CDC20B: variants seen among roughly 807,000 people sequenced by gnomAD.
CDC20B encodes the protein cell division cycle protein 20 homolog B.
A neutral mutation model predicts 64.1 loss-of-function variants in CDC20B; 58 were observed. The ratio of observed to expected loss-of-function variants is 0.90; its 90% CI spans 0.73 to 1.13. CDC20B has a LOEUF of 1.13. Among genes scored for constraint, CDC20B ranks in the 50% most tolerant of loss-of-function variants. The pLI is 0.00. For missense variants in CDC20B, 597 were observed against 633.0 expected (o/e 0.94, Z 0.61); for synonymous variants, 243 against 230.6 (o/e 1.05, Z -0.49).
At chr5:55,124,721 T>G in intron 9 of CDC20B, 82 bp downstream of exon 9, 1 of 1,162,034 alleles carries the variant, frequency 8.6e-7, no homozygotes, top group Non-Finnish European at 1.2e-6. Context: ...AAATATTGGC[T>G]TAATGATTTT....
chr5:55,153,639 T>A (rs1183476653), intron 2 of CDC20B, among the ~76,000 whole-genome samples: 1 of 152,206 alleles, frequency 6.6e-6, no homozygotes, highest in African/African-American at 2.4e-5. Context: ...TCTGGCCTTC[T>A]GCTATTCAAC....
chr5:55,127,361 T>C lies in CDC20B; in HGVS notation c.895-10A>G. ...TTACCACATCCCATAACTGAAAAAA[T>C]GAACAAGGAGAGTTATGTAGCATTG... On this transcript the variant is annotated splice_polypyrimidine_tract_variant and intron_variant, in intron 7 of 11. Transcript: ENST00000381375. The C allele has an allele frequency of 1.2e-6, 2 of 1,610,512 alleles. No homozygotes were observed. Among genetic ancestry groups the C allele is most frequent in the South Asian group, 2.2e-5 (2 of 90,974 alleles).
intron 2 of CDC20B, among the ~76,000 whole-genome samples, chr5:55,159,644 G>A (rs1483986886): frequency 6.6e-6 from 1 of 152,024 alleles, no homozygotes; most frequent in East Asian, 1.9e-4. Context: ...GATGAATCAG[G>A]GTAAATAGCC....
In CDC20B at chr5:55,161,163, T is replaced by C. The variant is rs748359366; in HGVS notation, c.126+11425A>G. On this transcript the variant is annotated intron_variant, in intron 2 of 11. Transcript: ENST00000381375. ...CGCCCAAGCAAGGAAGTAGAATCTT[T>C]TGCAAGAAAAAACTACGGAGTAACT... is the stretch of plus-strand genomic sequence containing the variant. 2.5e-6 allele frequency: 4 copies of C among 1,614,182 alleles called. No homozygotes were observed. Among genetic ancestry groups the C allele is most frequent in the Non-Finnish European group, 3.4e-6 (4 of 1,180,018 alleles).
At chr5:55,158,371 A>C (rs926738058) in intron 2 of CDC20B, among the ~76,000 whole-genome samples, 3 of 152,240 alleles carry the variant, frequency 2.0e-5, no homozygotes, top group African/African-American at 7.2e-5. Flanking sequence ...CACATCTTAC[A>C]TACATTTTTG....
At chr5:55,148,502 C>T (rs113040678) in intron 2 of CDC20B, among the ~76,000 whole-genome samples, 47 of 152,248 alleles carry the variant, frequency 3.1e-4, no homozygotes, top group African/African-American at 1.1e-3. Flanking sequence ...TTGCTTGAGC[C>T]CAGGTGTTCG....
chr5:55,171,236 C>T (rs1159541891), intron 2 of CDC20B, among the ~76,000 whole-genome samples: 4 of 152,194 alleles, frequency 2.6e-5, no homozygotes, highest in Non-Finnish European at 1.5e-5. Flanking sequence ...TCACTTGAAC[C>T]CGGGAGCTGG....
chr5:55,147,771 C>G (rs1743538232), intron 2 of CDC20B, among the ~76,000 whole-genome samples: 1 of 151,984 alleles, frequency 6.6e-6, no homozygotes, highest in Admixed American at 6.6e-5. Context: ...TAAAATATGA[C>G]ATATGATATA....
chr5:55,143,963 A>T (rs995772257), intron 3 of CDC20B, among the ~76,000 whole-genome samples: 1 of 150,860 alleles, frequency 6.6e-6, no homozygotes, highest in South Asian at 2.1e-4. Flanking sequence ...CATTTGCTGC[A>T]GCAGCAGTGT....
chr5:55,119,530 A>G (rs1041519735), intron 11 of CDC20B, among the ~76,000 whole-genome samples: 2 of 152,178 alleles, frequency 1.3e-5, no homozygotes, highest in African/African-American at 4.8e-5. Flanking sequence ...TGCTAACTCG[A>G]GTTCAAAAAC....
intron 5 of CDC20B, among the ~76,000 whole-genome samples, chr5:55,134,513 A>C (rs1232372410): frequency 6.6e-6 from 1 of 152,208 alleles, no homozygotes; most frequent in Non-Finnish European, 1.5e-5. Context: ...CTGTAATCTC[A>C]GCACTTTAGG....
intron 6 of CDC20B, among the ~76,000 whole-genome samples, chr5:55,128,909 T>C (rs1347373959): frequency 1.3e-5 from 2 of 152,212 alleles, no homozygotes; most frequent in Non-Finnish European, 2.9e-5. Context: ...TTAGTACATG[T>C]AGACTTCGTT....
chr5:55,120,619 C>T (rs1206194486), intron 9 of CDC20B, 69 bp from the exon 10 acceptor site: 3 of 1,585,238 alleles, frequency 1.9e-6, no homozygotes, highest in African/African-American at 1.4e-5. Flanking sequence ...ATGTGATGCA[C>T]TTAGGTAAGC....
chr5:55,134,493 T>C lies in CDC20B; in HGVS notation c.581-965A>G, dbSNP rs191135875. ...AAAAAACTCCTGGGGCTGGGCACGG[T>C]GGCTCATGCCTGTAATCTCAGCACT... On this transcript the variant is annotated intron_variant, in intron 5 of 11. Transcript: ENST00000381375. 2.2e-3 allele frequency among the ~76,000 whole-genome samples: 332 copies of C among 152,256 alleles called. 3 individuals are homozygous for C. The highest frequency in any genetic ancestry group is 7.6e-3 in the African/African-American group (314 of 41,564).
At chr5:55,128,659 C>A (rs777504613) in intron 6 of CDC20B, 42 bp from the exon 7 acceptor site, 2 of 1,376,760 alleles carry the variant, frequency 1.5e-6, no homozygotes, top group South Asian at 3.3e-5. Context: ...TATACAGCCA[C>A]ATGAAAACAT....
At chr5:55,127,182 A>G (rs974910650) in intron 8 of CDC20B, 75 bp downstream of exon 8, 3 of 1,310,168 alleles carry the variant, frequency 2.3e-6, no homozygotes, top group East Asian at 4.6e-5. Flanking sequence ...GGTTTTGAAT[A>G]TTACAACTGT....
intron 3 of CDC20B, among the ~76,000 whole-genome samples, chr5:55,145,991 A>G (rs1443852705): frequency 6.6e-6 from 1 of 152,172 alleles, no homozygotes; most frequent in Non-Finnish European, 1.5e-5. Context: ...GCACATATAT[A>G]TGTGTGTATG....
intron 1 of CDC20B, 64 bp downstream of exon 1, chr5:55,172,874 A>T (rs1285033289): frequency 1.4e-6 from 2 of 1,451,808 alleles, no homozygotes; most frequent in African/African-American, 2.9e-5. Context: ...AACAGATATT[A>T]TGAACGGGGC....
intron 4 of CDC20B, among the ~76,000 whole-genome samples, chr5:55,140,931 T>C (rs1743312304): frequency 6.6e-6 from 1 of 152,180 alleles, no homozygotes. Context: ...TAGTAATAAG[T>C]GGAAAGAAAA....
Sources: gnomAD v4.1 joint callset for allele counts (sites outside exome capture counted in the v4.1 genomes callset) on GRCh38, gnomAD v4.1.1 for gene constraint, MANE v1.5 for transcripts, NCBI Gene and HGNC (gene_info 2026-07-23, HGNC 2026-07-21) for gene names.